SPOCK3: variants seen among roughly 807,000 people sequenced by gnomAD.
The protein encoded by SPOCK3 is SPARC (osteonectin), cwcv and kazal like domains proteoglycan 3, also known as testican-3.
Under a neutral mutation model 56.6 loss-of-function variants are expected in SPOCK3, and 30 were observed. The observed-to-expected ratio is 0.53, with a 90% CI of 0.40 to 0.72. The LOEUF (loss-of-function observed/expected upper bound fraction) is 0.72. SPOCK3 is among the 30% of genes least tolerant of loss of function. The pLI is 0.00. For missense variants in SPOCK3, 527 were observed against 530.0 expected (o/e 0.99, Z 0.06); for synonymous variants, 196 against 183.3 (o/e 1.07, Z -0.56).
In SPOCK3 at chr4:166,884,210, G is replaced by T. The variant is rs546350825; in HGVS notation, c.589+4920C>A. On this transcript the variant is annotated intron_variant, in intron 6 of 10. Transcript: ENST00000357545. Reference sequence around the variant, plus strand: ...CTACTAAAAATACAAAAAATTAACCGGGCGTGGTGGCTGGCACCTGTTGTC... The same window carrying T: ...CTACTAAAAATACAAAAAATTAACCTGGCGTGGTGGCTGGCACCTGTTGTC... 3.9e-5 allele frequency among the ~76,000 whole-genome samples: 6 copies of T among 151,930 alleles called. No homozygotes were observed. The South Asian group carries it at 1.0e-3, about 26-fold the overall frequency.
At chr4:167,223,282 G>A (rs945806862) in intron 2 of SPOCK3, among the ~76,000 whole-genome samples, 7 of 140,190 alleles carry the variant, frequency 5.0e-5, no homozygotes, top group African/African-American at 1.8e-4. Context: ...TTATAAATAT[G>A]TATTTATATA....
chr4:167,129,924 A>G (rs1161471754), intron 2 of SPOCK3, among the ~76,000 whole-genome samples: 1 of 152,196 alleles, frequency 6.6e-6, no homozygotes. Context: ...TCTGGAAGCT[A>G]TCTTGTCATG....
intron 6 of SPOCK3, among the ~76,000 whole-genome samples, chr4:166,845,810 G>A (rs977533218): frequency 1.3e-5 from 2 of 152,144 alleles, no homozygotes; most frequent in Non-Finnish European, 2.9e-5. Context: ...ATAATGGTAT[G>A]CAGTCACATG....
intron 3 of SPOCK3, among the ~76,000 whole-genome samples, chr4:167,056,466 C>A (rs572175531): frequency 6.6e-6 from 1 of 152,138 alleles, no homozygotes. Flanking sequence ...GAGAAGAAGG[C>A]TTCAGACGAT....
At chr4:167,046,023 G>T (rs1311838140) in intron 3 of SPOCK3, among the ~76,000 whole-genome samples, 1 of 151,984 alleles carries the variant, frequency 6.6e-6, no homozygotes, top group East Asian at 1.9e-4. Context: ...GATTTTCCTT[G>T]TCTGGACAAC....
intron 6 of SPOCK3, among the ~76,000 whole-genome samples, chr4:166,804,048 C>CT (rs1284483846): frequency 3.3e-5 from 5 of 152,030 alleles, no homozygotes; most frequent in South Asian, 2.1e-4. Context: ...GGTTCGAAGA[C>CT]TTTTTTTATT....
chr4:167,172,824 G>A (rs892921683), intron 2 of SPOCK3, among the ~76,000 whole-genome samples: 13 of 152,076 alleles, frequency 8.5e-5, no homozygotes, highest in Non-Finnish European at 1.6e-4. Flanking sequence ...ATATCTGGTT[G>A]ACAATTCACC....
chr4:167,220,082 T>C (rs184226379), intron 2 of SPOCK3, among the ~76,000 whole-genome samples: 232 of 152,252 alleles, frequency 1.5e-3, no homozygotes, highest in African/African-American at 5.4e-3. Context: ...AGGACAGAGA[T>C]TGCTTGGTTT....
chr4:167,037,461 G>C (rs1167923793), intron 3 of SPOCK3, among the ~76,000 whole-genome samples: 1 of 146,254 alleles, frequency 6.8e-6, no homozygotes, highest in South Asian at 2.2e-4. Flanking sequence ...CGGCCTGGGC[G>C]ACAGAGCCAG....
chr4:166,921,413 G>A (rs1386759749), intron 4 of SPOCK3, among the ~76,000 whole-genome samples: 1 of 151,562 alleles, frequency 6.6e-6, no homozygotes, highest in Non-Finnish European at 1.5e-5. Flanking sequence ...CTACCTCCCG[G>A]GTTCAAGCAA....
At chr4:167,146,659 A>C (rs1763985288) in intron 2 of SPOCK3, among the ~76,000 whole-genome samples, 1 of 152,142 alleles carries the variant, frequency 6.6e-6, no homozygotes, top group Non-Finnish European at 1.5e-5. Flanking sequence ...TAAGAAACTC[A>C]CTCAAAACTG....
chr4:166,772,207 A>G (rs568369343), intron 7 of SPOCK3, among the ~76,000 whole-genome samples: 1 of 152,270 alleles, frequency 6.6e-6, no homozygotes, highest in South Asian at 2.1e-4. Context: ...AGATTTTAGA[A>G]CTAGTGAACC....
intron 2 of SPOCK3, among the ~76,000 whole-genome samples, chr4:167,223,388 GATATT>G (rs1736265241): frequency 6.8e-6 from 1 of 147,262 alleles, no homozygotes; most frequent in Non-Finnish European, 1.5e-5. Context: ...TATAGAGGGA[GATATT>G]ATATTATATA....
chr4:166,952,032 A>G (rs1742707051), intron 4 of SPOCK3, among the ~76,000 whole-genome samples: 1 of 152,222 alleles, frequency 6.6e-6, no homozygotes, highest in Non-Finnish European at 1.5e-5. Context: ...CAAGACAGGG[A>G]TGCCTTCTCT....
At chr4:167,022,927 A>T (rs1488369174) in intron 3 of SPOCK3, among the ~76,000 whole-genome samples, 1 of 151,972 alleles carries the variant, frequency 6.6e-6, no homozygotes, top group Non-Finnish European at 1.5e-5. Flanking sequence ...CATAAATGCC[A>T]CTCAGAGAGA....
chr4:167,104,175 C>T (rs1480516543), intron 2 of SPOCK3, among the ~76,000 whole-genome samples: 2 of 152,108 alleles, frequency 1.3e-5, no homozygotes, highest in Non-Finnish European at 1.5e-5. Context: ...TGCCCAGACA[C>T]CAACAAACGT....
At chr4:167,004,543 A>C (rs1281142305) in intron 3 of SPOCK3, among the ~76,000 whole-genome samples, 1 of 152,142 alleles carries the variant, frequency 6.6e-6, no homozygotes, top group Admixed American at 6.5e-5. Flanking sequence ...TATTTATTGC[A>C]GAAAGACCAC....
chr4:166,920,348 T>G (rs868091111), intron 4 of SPOCK3, among the ~76,000 whole-genome samples: 3 of 152,132 alleles, frequency 2.0e-5, no homozygotes, highest in Admixed American at 1.3e-4. Context: ...AATCTGAAAT[T>G]TATATGGTGT....
chr4:166,999,380 G>A (rs1748724211), intron 4 of SPOCK3, among the ~76,000 whole-genome samples: 1 of 152,082 alleles, frequency 6.6e-6, no homozygotes, highest in African/African-American at 2.4e-5. Context: ...AAACATCAAT[G>A]TAACTTAAAT....
Sources: allele counts gnomAD v4.1 joint callset (sites outside exome capture counted in the v4.1 genomes callset), GRCh38; gene constraint gnomAD v4.1.1; transcripts MANE v1.5; gene names NCBI Gene and HGNC (gene_info 2026-07-23, HGNC 2026-07-21).